The following SLC25A26 variants were observed in gnomAD, a reference collection of about 807,000 sequenced individuals.
The protein encoded by SLC25A26 is mitochondrial S-adenosylmethionine carrier protein.
SLC25A26 carries 36 observed loss-of-function variants against 37.8 expected under a neutral mutation model. That is an observed-to-expected ratio of 0.95 (90% confidence interval 0.73 to 1.26). The LOEUF (loss-of-function observed/expected upper bound fraction) is 1.26, where lower values mean the gene tolerates loss of function less well. Among genes scored for constraint, SLC25A26 ranks in the 50% most tolerant of loss-of-function variants. SLC25A26 has a pLI of 0.00. For missense variants in SLC25A26, 390 were observed against 331.1 expected (o/e 1.18, Z -1.38); for synonymous variants, 129 against 122.5 (o/e 1.05, Z -0.35).
intron 1 of SLC25A26, among the ~76,000 whole-genome samples, chr3:66,171,438 T>C (rs2070498358): frequency 6.6e-6 from 1 of 152,142 alleles, no homozygotes; most frequent in African/African-American, 2.4e-5. Flanking sequence ...TTCCCCTACT[T>C]TTTTTGTTCT....
intron 5 of SLC25A26, 47 bp downstream of exon 5, chr3:66,263,426 T>G: frequency 8.1e-7 from 1 of 1,227,920 alleles, no homozygotes; most frequent in Non-Finnish European, 1.2e-6. Flanking sequence ...AATGATGTCC[T>G]TTGTTCAGTA....
Position 66,270,435 on chromosome 3 carries a change from C to G in SLC25A26, c.453+7056C>G, listed in dbSNP as rs1250774126. ...TATTAACTATGACCAAATAGAACATCTGTTAAAATTCCATAATGCTAGCTT... is the reference window on the plus strand; with the variant it reads ...TATTAACTATGACCAAATAGAACATGTGTTAAAATTCCATAATGCTAGCTT... On this transcript the variant is annotated intron_variant, in intron 5 of 9. Transcript: ENST00000354883. Among the ~76,000 whole-genome samples, 8 of 152,140 alleles carry G rather than the reference C, an allele frequency of 5.3e-5. 1 individual carries two copies. Among genetic ancestry groups the G allele is most frequent in the Non-Finnish European group, 8.8e-5 (6 of 68,014 alleles).
At chr3:66,372,625 G>A (rs1012831977) in intron 9 of SLC25A26, among the ~76,000 whole-genome samples, 1 of 152,170 alleles carries the variant, frequency 6.6e-6, no homozygotes, top group African/African-American at 2.4e-5. Context: ...TAGTCAGTCT[G>A]TACAGTGTAG....
At chr3:66,243,074 A>G (rs1463476922) in intron 2 of SLC25A26, 129 bp from the exon 3 acceptor site, 2 of 567,912 alleles carry the variant, frequency 3.5e-6, no homozygotes, top group African/African-American at 1.9e-5. Flanking sequence ...AAGAAAAGAT[A>G]TGTGCTTATC....
In SLC25A26 at chr3:66,371,486, T is replaced by G. The variant is rs370445803; in HGVS notation, c.707+884T>G. On this transcript the variant is annotated intron_variant, in intron 9 of 9. Transcript: ENST00000354883. ...AGATTGAAATTTTCCAGTTGGAAGT[T>G]TGAAAAGTAGGTGATATTGGATGGT... is the stretch of plus-strand genomic sequence containing the variant. 3 of 1,370,204 alleles carry G rather than the reference T, an allele frequency of 2.2e-6. No homozygotes were observed. The African/African-American group carries it at 4.4e-5, about 20-fold the overall frequency. 84.9% of individuals were successfully genotyped at this position (1,370,204 alleles called of 1,614,324 possible). A position where few individuals can be genotyped will look rare whatever the true frequency, so the allele number is the denominator to read the frequency against.
intron 3 of SLC25A26, among the ~76,000 whole-genome samples, chr3:66,255,704 A>G (rs1345794519): frequency 2.0e-5 from 3 of 152,186 alleles, no homozygotes; most frequent in Admixed American, 6.5e-5. Flanking sequence ...TCATAGAACC[A>G]TAATACTGTA....
chr3:66,294,286 G>T (rs1313114216), intron 5 of SLC25A26, among the ~76,000 whole-genome samples: 1 of 152,098 alleles, frequency 6.6e-6, no homozygotes, highest in Non-Finnish European at 1.5e-5. Context: ...TTTTGTGGCA[G>T]TTGTGAATGG....
intron 1 of SLC25A26, among the ~76,000 whole-genome samples, chr3:66,234,880 A>G (rs1436185399): frequency 1.3e-5 from 2 of 152,200 alleles, no homozygotes; most frequent in Non-Finnish European, 2.9e-5. Flanking sequence ...TGAATAGGTA[A>G]TGTATTTACA....
At chr3:66,294,274 C>T (rs1479649431) in intron 5 of SLC25A26, among the ~76,000 whole-genome samples, 1 of 151,908 alleles carries the variant, frequency 6.6e-6, no homozygotes, top group African/African-American at 2.4e-5. Flanking sequence ...GTATTTTGTT[C>T]TTTTTGTGGC....
At chr3:66,324,630 A>G (rs1486995571) in intron 5 of SLC25A26, among the ~76,000 whole-genome samples, 6 of 152,208 alleles carry the variant, frequency 3.9e-5, no homozygotes, top group Non-Finnish European at 8.8e-5. Context: ...TTTCAAAGTT[A>G]AACTCTGAAC....
intron 5 of SLC25A26, among the ~76,000 whole-genome samples, chr3:66,270,493 T>G (rs1049633402): frequency 2.6e-5 from 4 of 152,212 alleles, no homozygotes; most frequent in Admixed American, 2.6e-4. Flanking sequence ...TGTTTGCTCT[T>G]GGAAGTTGTC....
intron 1 of SLC25A26, among the ~76,000 whole-genome samples, chr3:66,156,122 A>G (rs1385228918): frequency 6.6e-6 from 1 of 152,298 alleles, no homozygotes; most frequent in Non-Finnish European, 1.5e-5. Context: ...GCCAGGATAC[A>G]AATTCCAACA....
chr3:66,252,110 C>A (rs782465899), intron 3 of SLC25A26, among the ~76,000 whole-genome samples: 6 of 152,182 alleles, frequency 3.9e-5, no homozygotes, highest in Non-Finnish European at 7.3e-5. Context: ...ATACTACTCT[C>A]AAAGGACCAA....
In SLC25A26 at chr3:66,241,279, T is replaced by TA. The variant is rs535116040; in HGVS notation, c.191-1916dup. On this transcript the variant is annotated intron_variant, in intron 2 of 9. Coordinates refer to ENST00000354883, the MANE Select transcript of SLC25A26 (RefSeq NM_001379210.1). ...GGTGTGGATTGGGCATTGGATGTTA[T>TA]AAAAAAAATCCCAGGATGATTCTTA... 5.1e-4 allele frequency among the ~76,000 whole-genome samples: 78 copies of TA among 152,006 alleles called. 1 individual carries two copies. The highest frequency in any genetic ancestry group is 6.8e-3 in the Middle Eastern group (2 of 294).
intron 9 of SLC25A26, among the ~76,000 whole-genome samples, chr3:66,376,893 T>G (rs933301373): frequency 6.6e-6 from 1 of 152,216 alleles, no homozygotes; most frequent in Non-Finnish European, 1.5e-5. Context: ...TGGACTTAGT[T>G]TTTTAAACCT....
At chr3:66,326,474 A>G (rs2075840585) in intron 5 of SLC25A26, among the ~76,000 whole-genome samples, 1 of 152,208 alleles carries the variant, frequency 6.6e-6, no homozygotes, top group African/African-American at 2.4e-5. Context: ...CTTCTGCCCC[A>G]GAGGCTTTGC....
rs1199136638 is a variant in SLC25A26, at chr3:66,346,384, G to A, written c.474G>A (p.Gln158=). The change falls in exon 6 of 10, where the codon CAG becomes CAA. Residue 158 remains glutamine, a synonymous_variant. Transcript: ENST00000354883. ...TTCAGATTCCTTTTTCTTTGGTCCAGTTTCCCTTATGGGAGTCCTTAAAAG... is the reference window on the plus strand; with the variant it reads ...TTCAGATTCCTTTTTCTTTGGTCCAATTTCCCTTATGGGAGTCCTTAAAAG... ...VLREIPFSLV[Q]FPLWESLKAL... is the part of the protein sequence containing the mutation. 2.0e-6 allele frequency: 3 copies of A among 1,486,604 alleles called. No homozygotes were observed. Among genetic ancestry groups the A allele is most frequent in the African/African-American group, 2.9e-5 (2 of 69,124 alleles). The allele number at this position is 1,486,604 out of a possible 1,614,324, so 92.1% of individuals were successfully genotyped here. A position where few individuals can be genotyped will look rare whatever the true frequency, so the allele number is the denominator to read the frequency against.
intron 1 of SLC25A26, among the ~76,000 whole-genome samples, chr3:66,175,146 C>T (rs1402523551): frequency 0.02 from 1,372 of 67,558 alleles, 22 homozygotes; most frequent in African/African-American, 0.08. Flanking sequence ...TATATACACA[C>T]ACACACACAC....
chr3:66,150,524 G>GATAC (rs2070184653), intron 1 of SLC25A26, among the ~76,000 whole-genome samples: 1 of 103,656 alleles, frequency 9.6e-6, no homozygotes, highest in South Asian at 3.0e-4. Context: ...TATATATAAT[G>GATAC]ATATATATAT....
Sources: allele counts gnomAD v4.1 joint callset (sites outside exome capture counted in the v4.1 genomes callset), GRCh38; gene constraint gnomAD v4.1.1; transcripts MANE v1.5; gene names NCBI Gene and HGNC (gene_info 2026-07-23, HGNC 2026-07-21).